GSK3B: variants seen among roughly 807,000 people sequenced by gnomAD.
The protein encoded by GSK3B is glycogen synthase kinase-3 beta.
In GSK3B, 15 loss-of-function variants were observed where a neutral mutation model predicts 56.4. The ratio of observed to expected loss-of-function variants is 0.27; its 90% CI spans 0.18 to 0.41. The LOEUF is 0.41. Among genes scored for constraint, GSK3B ranks in the 10% least tolerant of loss-of-function variants. The pLI is 1.00. For synonymous variants in GSK3B, 181 were observed against 188.9 expected, an observed-to-expected ratio of 0.96 and a Z score of 0.34; for missense variants, 300 against 513.4, an observed-to-expected ratio of 0.58 and a Z score of 4.02.
At chr3:120,060,304 A>G (rs750245640) in intron 1 of GSK3B, among the ~76,000 whole-genome samples, 8 of 152,212 alleles carry the variant, frequency 5.3e-5, no homozygotes, top group Non-Finnish European at 1.2e-4. Context: ...GGCCTAAGAA[A>G]AACATTTTAA....
At chr3:120,028,061 G>C (rs1446900339) in intron 1 of GSK3B, among the ~76,000 whole-genome samples, 2 of 152,190 alleles carry the variant, frequency 1.3e-5, no homozygotes, top group Non-Finnish European at 2.9e-5. Context: ...GCAAAGAGAT[G>C]AATTGAGTGC....
chr3:119,829,258 TAAA>T (rs550177721), intron 10 of GSK3B, among the ~76,000 whole-genome samples: 1 of 149,662 alleles, frequency 6.7e-6, no homozygotes, highest in Non-Finnish European at 1.5e-5. Flanking sequence ...CAGGCTGCAT[TAAA>T]AAAAAAATCC....
At chr3:119,990,357 C>G (rs560259337) in intron 2 of GSK3B, among the ~76,000 whole-genome samples, 2 of 152,290 alleles carry the variant, frequency 1.3e-5, no homozygotes, top group African/African-American at 4.8e-5. Context: ...TACTCTTAGT[C>G]TGTAAGAGAA....
At chr3:119,982,938 T>C (rs1018141058) in intron 2 of GSK3B, among the ~76,000 whole-genome samples, 1 of 152,136 alleles carries the variant, frequency 6.6e-6, no homozygotes, top group East Asian at 1.9e-4. Context: ...AAGGAAAAAC[T>C]GTTAAGGGCA....
At chr3:119,999,823 C>T (rs1469253857) in intron 2 of GSK3B, among the ~76,000 whole-genome samples, 1 of 152,088 alleles carries the variant, frequency 6.6e-6, no homozygotes, top group Non-Finnish European at 1.5e-5. Flanking sequence ...GAACATATTT[C>T]AAGGAGAGTA....
intron 1 of GSK3B, among the ~76,000 whole-genome samples, chr3:120,092,339 C>A (rs553215478): frequency 1.2e-4 from 18 of 152,238 alleles, no homozygotes; most frequent in Non-Finnish European, 1.9e-4. Flanking sequence ...TCTGCAAAAG[C>A]CAAAATGGAA....
intron 3 of GSK3B, among the ~76,000 whole-genome samples, chr3:119,931,909 T>C (rs2056949485): frequency 6.6e-6 from 1 of 152,174 alleles, no homozygotes; most frequent in Non-Finnish European, 1.5e-5. Context: ...ATTAATTTTA[T>C]TAATAAACTA....
intron 1 of GSK3B, among the ~76,000 whole-genome samples, chr3:120,071,998 G>A (rs777418619): frequency 6.6e-6 from 1 of 152,174 alleles, no homozygotes; most frequent in Non-Finnish European, 1.5e-5. Flanking sequence ...AGAAAGGAAA[G>A]GGAGAGAAAA....
At chr3:119,938,261 T>G (rs1337808720) in intron 3 of GSK3B, among the ~76,000 whole-genome samples, 2 of 152,120 alleles carry the variant, frequency 1.3e-5, no homozygotes, top group East Asian at 3.8e-4. Context: ...GAAGGAGCAC[T>G]TCTTACCTCA....
At position 120,093,640 on chromosome 3, in the gene GSK3B, G is replaced by A; in HGVS notation, c.-206C>T. 1 of 465,474 alleles carries A rather than the reference G, an allele frequency of 2.1e-6. No individual in the cohort carries two copies. Among genetic ancestry groups the A allele is most frequent in the Non-Finnish European group, 3.9e-6 (1 of 257,210 alleles). 28.8% of individuals were successfully genotyped at this position (465,474 alleles called of 1,614,324 possible). On this transcript the variant is annotated 5_prime_UTR_variant, in exon 1 of 11. Transcript: ENST00000264235. ...ATATATTTCTCCTTCAAGACAGATCGGCACGGATATTTAACATATAGATGA... is the reference window on the plus strand; with the variant it reads ...ATATATTTCTCCTTCAAGACAGATCAGCACGGATATTTAACATATAGATGA...
At chr3:119,940,797 T>G (rs1394768696) in intron 3 of GSK3B, among the ~76,000 whole-genome samples, 1 of 152,092 alleles carries the variant, frequency 6.6e-6, no homozygotes, top group African/African-American at 2.4e-5. Context: ...GTCACATACT[T>G]CCTGCAAACT....
chr3:119,929,801 C>A (rs191776085), intron 3 of GSK3B, among the ~76,000 whole-genome samples: 235 of 151,748 alleles, frequency 1.5e-3, no homozygotes, highest in Middle Eastern at 3.4e-3. Context: ...ACTCTGGACG[C>A]TGAGGCAGGA....
intron 3 of GSK3B, among the ~76,000 whole-genome samples, chr3:119,931,778 C>T (rs992488317): frequency 2.0e-5 from 3 of 152,042 alleles, no homozygotes; most frequent in African/African-American, 7.2e-5. Flanking sequence ...AGAGTCAATG[C>T]CAGAAGTCCT....
intron 4 of GSK3B, among the ~76,000 whole-genome samples, chr3:119,920,693 G>A (rs1157235985): frequency 6.6e-6 from 1 of 152,066 alleles, no homozygotes; most frequent in African/African-American, 2.4e-5. Flanking sequence ...AGGGTGCTGG[G>A]TAGAATAAGT....
At chr3:119,935,351 A>C (rs2056983641) in intron 3 of GSK3B, among the ~76,000 whole-genome samples, 1 of 152,174 alleles carries the variant, frequency 6.6e-6, no homozygotes, top group Admixed American at 6.6e-5. Context: ...AAAAGAGGGG[A>C]GAATTGCATA....
intron 1 of GSK3B, among the ~76,000 whole-genome samples, chr3:120,021,322 G>A (rs1208093264): frequency 6.6e-6 from 1 of 150,968 alleles, no homozygotes; most frequent in African/African-American, 2.4e-5. Context: ...TGGCCAAGAT[G>A]GTGAAACCCC....
At chr3:120,018,556 A>G (rs1484382639) in intron 1 of GSK3B, among the ~76,000 whole-genome samples, 1 of 152,228 alleles carries the variant, frequency 6.6e-6, no homozygotes, top group African/African-American at 2.4e-5. Flanking sequence ...CTATAGTCTT[A>G]TAGTACTCAT....
intron 1 of GSK3B, among the ~76,000 whole-genome samples, chr3:120,068,755 C>T (rs556453786): frequency 2.7e-5 from 4 of 149,636 alleles, no homozygotes; most frequent in African/African-American, 4.9e-5. Flanking sequence ...TTAGTAGTAA[C>T]GGTATAGAAA....
chr3:119,846,841 A>G lies in GSK3B; in HGVS notation c.1097-3488T>C, dbSNP rs552419114. ...ACTATAAAGACACATGCATACATAT[A>G]TTTATTGCAGTACTATTCACAATAG... is the stretch of plus-strand genomic sequence containing the variant. On this transcript the variant is annotated intron_variant, in intron 9 of 10. Coordinates refer to ENST00000264235, the MANE Select transcript of GSK3B (RefSeq NM_001146156.2). Among the ~76,000 whole-genome samples the G allele has an allele frequency of 4.6e-5, 7 of 152,310 alleles. No homozygotes were observed. In the East Asian group the frequency reaches 1.4e-3, roughly 29 times the overall value.
Sources: gnomAD v4.1 joint callset for allele counts (sites outside exome capture counted in the v4.1 genomes callset) on GRCh38, gnomAD v4.1.1 for gene constraint, MANE v1.5 for transcripts, NCBI Gene and HGNC (gene_info 2026-07-23, HGNC 2026-07-21) for gene names.